MACROD2: variants seen among roughly 807,000 people sequenced by gnomAD.
MACROD2 encodes the protein mono-ADP ribosylhydrolase 2.
In MACROD2, 36 loss-of-function variants were observed where a neutral mutation model predicts 70.4. That is an observed-to-expected ratio of 0.51 (90% CI 0.39 to 0.68). The LOEUF is 0.68. MACROD2 is among the 30% of genes least tolerant of loss of function. The pLI is 0.00. For synonymous variants in MACROD2, 172 were observed against 178.8 expected (o/e 0.96, Z 0.30); for missense variants, 496 against 538.4 (o/e 0.92, Z 0.78).
chr20:14,072,535 G>A (rs1487462266), intron 2 of MACROD2, among the ~76,000 whole-genome samples: 1 of 152,104 alleles, frequency 6.6e-6, no homozygotes, highest in African/African-American at 2.4e-5. Flanking sequence ...CTTCATTTCT[G>A]TATGGCTCAG....
At chr20:14,610,915 A>G (rs1983119638) in intron 4 of MACROD2, among the ~76,000 whole-genome samples, 1 of 152,160 alleles carries the variant, frequency 6.6e-6, no homozygotes, top group South Asian at 2.1e-4. Context: ...AGCATTAGGT[A>G]ATAAAGACAA....
chr20:15,454,919 G>T (rs6079836), intron 7 of MACROD2, among the ~76,000 whole-genome samples: 1 of 151,906 alleles, frequency 6.6e-6, no homozygotes, highest in Non-Finnish European at 1.5e-5. Context: ...ACCACGTTGT[G>T]CCTTTTGCCT....
chr20:14,672,883 ATAT>A (rs1463681415), intron 4 of MACROD2, among the ~76,000 whole-genome samples: 1 of 152,324 alleles, frequency 6.6e-6, no homozygotes, highest in African/African-American at 2.4e-5. Flanking sequence ...TATATATTAA[ATAT>A]TAATAAACTT....
intron 3 of MACROD2, among the ~76,000 whole-genome samples, chr20:14,432,407 A>C (rs1600231335): frequency 6.7e-6 from 1 of 148,524 alleles, no homozygotes; most frequent in Non-Finnish European, 1.5e-5. Context: ...AGTGTCATGA[A>C]GATAGGCACT....
chr20:15,120,705 C>T (rs1401266375), intron 5 of MACROD2, among the ~76,000 whole-genome samples: 2 of 152,096 alleles, frequency 1.3e-5, no homozygotes, highest in Admixed American at 6.5e-5. Context: ...TTCTTTCTGC[C>T]CTTTGCTGAT....
intron 7 of MACROD2, among the ~76,000 whole-genome samples, chr20:15,490,747 C>T (rs1226011100): frequency 6.6e-6 from 1 of 152,108 alleles, no homozygotes. Flanking sequence ...GCCAAAGAAA[C>T]AGGTAGTGAG....
chr20:14,185,983 A>C (rs2081341025), intron 3 of MACROD2, among the ~76,000 whole-genome samples: 1 of 152,098 alleles, frequency 6.6e-6, no homozygotes, highest in Non-Finnish European at 1.5e-5. Context: ...GTGTATCCCA[A>C]TTTACTGGCA....
At chr20:15,888,817 G>T (rs780053297) in intron 10 of MACROD2, among the ~76,000 whole-genome samples, 3 of 152,054 alleles carry the variant, frequency 2.0e-5, no homozygotes, top group Non-Finnish European at 4.4e-5. Flanking sequence ...TGTGCTGAAT[G>T]GTTCCAGCTG....
At chr20:14,474,558 A>G (rs1448383606) in intron 3 of MACROD2, among the ~76,000 whole-genome samples, 1 of 152,116 alleles carries the variant, frequency 6.6e-6, no homozygotes, top group African/African-American at 2.4e-5. Context: ...TCCATCACTG[A>G]AAGTGGGGTA....
intron 8 of MACROD2, among the ~76,000 whole-genome samples, chr20:15,782,638 T>A (rs2051852292): frequency 6.8e-6 from 1 of 147,584 alleles, no homozygotes; most frequent in Middle Eastern, 3.2e-3. Flanking sequence ...CACCTTCAAA[T>A]TGGTCAAATC....
chr20:14,788,671 G>A (rs2072405601), intron 5 of MACROD2, among the ~76,000 whole-genome samples: 1 of 149,536 alleles, frequency 6.7e-6, no homozygotes, highest in Non-Finnish European at 1.5e-5. Flanking sequence ...TATTAACAGG[G>A]TTTATTTGAA....
chr20:15,212,378 A>G (rs963833592), intron 5 of MACROD2, among the ~76,000 whole-genome samples: 8 of 152,290 alleles, frequency 5.3e-5, no homozygotes, highest in South Asian at 2.1e-4. Context: ...AATGTCATCA[A>G]TGCTCTGTTG....
chr20:15,104,928 G>C (rs1201592641), intron 5 of MACROD2, among the ~76,000 whole-genome samples: 1 of 152,014 alleles, frequency 6.6e-6, no homozygotes, highest in Admixed American at 6.6e-5. Context: ...ATTTTTAAAA[G>C]TCCAGAAAAA....
intron 8 of MACROD2, among the ~76,000 whole-genome samples, chr20:15,741,092 CTT>C (rs397865668): frequency 1.9e-4 from 24 of 123,936 alleles, no homozygotes; most frequent in Admixed American, 1.8e-4. Context: ...GTTATCATAT[CTT>C]TTTTTTTTTT....
At chr20:14,629,409 ACTT>A (rs1568709037) in intron 4 of MACROD2, among the ~76,000 whole-genome samples, 1 of 152,226 alleles carries the variant, frequency 6.6e-6, no homozygotes, top group Non-Finnish European at 1.5e-5. Flanking sequence ...TAGCTATTGT[ACTT>A]CTTCTTTTGA....
chr20:15,765,506 A>G (rs2051507711), intron 8 of MACROD2, among the ~76,000 whole-genome samples: 1 of 152,232 alleles, frequency 6.6e-6, no homozygotes, highest in Non-Finnish European at 1.5e-5. Flanking sequence ...GTAAATGTGT[A>G]GAAAATGGCA....
chr20:14,694,236 TTAGTC>T (rs2071095569), intron 5 of MACROD2, among the ~76,000 whole-genome samples: 1 of 152,220 alleles, frequency 6.6e-6, no homozygotes, highest in African/African-American at 2.4e-5. Flanking sequence ...ATTTGTAACT[TTAGTC>T]TAATTTTTGG....
At chr20:15,326,599 A>G (rs570503822) in intron 6 of MACROD2, among the ~76,000 whole-genome samples, 1 of 152,212 alleles carries the variant, frequency 6.6e-6, no homozygotes, top group South Asian at 2.1e-4. Flanking sequence ...CTTGGCTATC[A>G]CGCATCTATC....
intron 3 of MACROD2, among the ~76,000 whole-genome samples, chr20:14,448,094 T>G (rs922260422): frequency 9.2e-5 from 14 of 151,508 alleles, no homozygotes; most frequent in Non-Finnish European, 2.1e-4. Context: ...ACAATAGTAT[T>G]AGTCAAGTGA....
Sources: allele counts gnomAD v4.1 joint callset (sites outside exome capture counted in the v4.1 genomes callset), GRCh38; gene constraint gnomAD v4.1.1; transcripts MANE v1.5; gene names NCBI Gene and HGNC (gene_info 2026-07-23, HGNC 2026-07-21).